The following PLPP3 variants were observed in gnomAD, a reference collection of about 807,000 sequenced individuals.
PLPP3 encodes the protein PAP2 beta.
A neutral mutation model predicts 29.6 loss-of-function variants in PLPP3; 6 were observed. That is an observed-to-expected ratio of 0.20 (90% CI 0.11 to 0.40). The LOEUF is 0.40. Among genes scored for constraint, PLPP3 ranks in the 10% least tolerant of loss-of-function variants. The probability of loss-of-function intolerance (pLI) is 1.00; values close to 1 mark genes in which losing one functional copy is unlikely to be tolerated. For synonymous variants in PLPP3, 152 were observed against 159.7 expected, an observed-to-expected ratio of 0.95 and a Z score of 0.36; for missense variants, 308 against 407.7, an observed-to-expected ratio of 0.76 and a Z score of 2.11.
At chr1:56,523,943 T>C in intron 3 of PLPP3, 63 bp from the exon 4 acceptor site, 1 of 1,554,636 alleles carries the variant, frequency 6.4e-7, no homozygotes, top group East Asian at 2.3e-5. Flanking sequence ...CACTTGTCTG[T>C]CTGTCTTCCC....
chr1:56,562,234 T>C (rs1201152911), intron 1 of PLPP3, among the ~76,000 whole-genome samples: 2 of 151,794 alleles, frequency 1.3e-5, no homozygotes, highest in African/African-American at 4.8e-5. Context: ...TAGGGTTAGA[T>C]TCTGAAGAGT....
At chr1:56,553,201 C>T (rs1646052239) in intron 1 of PLPP3, among the ~76,000 whole-genome samples, 1 of 152,184 alleles carries the variant, frequency 6.6e-6, no homozygotes, top group South Asian at 2.1e-4. Flanking sequence ...GGCTTTCAAA[C>T]AAGACTGATT....
intron 1 of PLPP3, among the ~76,000 whole-genome samples, chr1:56,557,036 G>GAGAGAGAAAGAAAGAAAGAA (rs1646086707): frequency 1.0e-4 from 1 of 9,588 alleles, no homozygotes; most frequent in African/African-American, 1.8e-4. Context: ...AAGAGAGAGA[G>GAGAGAGAAAGAAAGAAAGAA]AGAGAGAGAG....
In PLPP3 at chr1:56,524,721, C is replaced by A. The variant is rs1645842064; in HGVS notation, c.298-167G>T. On this transcript the variant is annotated intron_variant, in intron 2 of 5. Coordinates refer to ENST00000371250, the MANE Select transcript of PLPP3 (RefSeq NM_003713.5). This position sits in a 1 kb window ranked among gnomAD's most constrained non-coding sequence, Gnocchi z 4.3. Reference sequence around the variant, plus strand: ...CACAAATATGCACAGAAGAAAAGATCAAAGCGCTAATATAGTTGGGTGTTT... The same window carrying A: ...CACAAATATGCACAGAAGAAAAGATAAAAGCGCTAATATAGTTGGGTGTTT... 6.6e-6 allele frequency among the ~76,000 whole-genome samples: 1 copy of A among 151,796 alleles called. No homozygotes were observed.
chr1:56,523,995 C>A, intron 3 of PLPP3, 115 bp from the exon 4 acceptor site: 1 of 1,226,816 alleles, frequency 8.2e-7, no homozygotes, highest in South Asian at 1.3e-5. Flanking sequence ...AGGCCCTGTT[C>A]ATTTTTGCAT....
intron 1 of PLPP3, among the ~76,000 whole-genome samples, chr1:56,548,869 T>C (rs1008412702): frequency 3.3e-5 from 5 of 152,050 alleles, no homozygotes; most frequent in South Asian, 4.2e-4. Context: ...TGAATGCCAA[T>C]TGGTATAGCC....
chr1:56,503,042 T>A (rs1057513357), intron 5 of PLPP3, among the ~76,000 whole-genome samples: 1 of 152,154 alleles, frequency 6.6e-6, no homozygotes, highest in African/African-American at 2.4e-5. Flanking sequence ...ATGCCCTAAG[T>A]ACAGTAAGTG....
Position 56,579,089 on chromosome 1 carries a change from G to C in PLPP3, c.-73C>G. ...ACAGCAGCCACACACCCAGGCGCCC[G>C]GGTCGCCTCCTGGCCGAGGCTGCTG... On this transcript the variant is annotated 5_prime_UTR_variant, in exon 1 of 6. Transcript: ENST00000371250. 1 of 1,552,822 alleles carries C rather than the reference G, an allele frequency of 6.4e-7. No homozygotes were observed. The highest frequency in any genetic ancestry group is 8.6e-7 in the Non-Finnish European group (1 of 1,158,416).
intron 5 of PLPP3, among the ~76,000 whole-genome samples, chr1:56,498,683 G>T (rs1194072688): frequency 6.6e-6 from 1 of 151,574 alleles, no homozygotes; most frequent in Non-Finnish European, 1.5e-5. Context: ...ACCCAGGCTG[G>T]AGTGCAGTGG....
At chr1:56,569,730 A>C (rs1455114005) in intron 1 of PLPP3, among the ~76,000 whole-genome samples, 1 of 152,102 alleles carries the variant, frequency 6.6e-6, no homozygotes, top group Non-Finnish European at 1.5e-5. Flanking sequence ...GCTCTAACCT[A>C]TCTCTCCAGC....
chr1:56,515,518 A>G (rs1414029987), intron 4 of PLPP3, among the ~76,000 whole-genome samples: 1 of 152,164 alleles, frequency 6.6e-6, no homozygotes, highest in Non-Finnish European at 1.5e-5. Flanking sequence ...ACACCATAAG[A>G]ATTTGAGAAG....
At chr1:56,523,800 C>A in intron 4 of PLPP3, 23 bp downstream of exon 4, 1 of 1,608,314 alleles carries the variant, frequency 6.2e-7, no homozygotes, top group South Asian at 1.1e-5. Context: ...GAGCACTGCT[C>A]AAATCAAAGG....
At chr1:56,574,692 G>A (rs1425730003) in intron 1 of PLPP3, among the ~76,000 whole-genome samples, 1 of 152,180 alleles carries the variant, frequency 6.6e-6, no homozygotes, top group African/African-American at 2.4e-5. Context: ...GTTTCTCAAC[G>A]TATTGCCTTA....
intron 1 of PLPP3, among the ~76,000 whole-genome samples, chr1:56,556,382 G>C (rs1646076874): frequency 6.6e-6 from 1 of 152,088 alleles, no homozygotes; most frequent in Non-Finnish European, 1.5e-5. Flanking sequence ...ATCAAGTAAT[G>C]ATAAAATAAT....
At chr1:56,542,653 T>C (rs1239258477) in intron 1 of PLPP3, among the ~76,000 whole-genome samples, 4 of 152,096 alleles carry the variant, frequency 2.6e-5, no homozygotes, top group African/African-American at 4.8e-5. Flanking sequence ...TACACATCTA[T>C]CCACAAAATA....
intron 1 of PLPP3, among the ~76,000 whole-genome samples, chr1:56,544,158 G>T (rs952756177): frequency 1.8e-4 from 28 of 152,196 alleles, no homozygotes; most frequent in Non-Finnish European, 5.9e-5. Context: ...AGTGCTTACA[G>T]TGAAAACATT....
At chr1:56,521,699 C>G (rs573073384) in intron 4 of PLPP3, among the ~76,000 whole-genome samples, 82 of 152,238 alleles carry the variant, frequency 5.4e-4, no homozygotes, top group Non-Finnish European at 1.0e-3. Flanking sequence ...ACCATCCAGC[C>G]AAAGGAGGCT....
At chr1:56,534,364 AAC>A (rs1337780028) in intron 2 of PLPP3, among the ~76,000 whole-genome samples, 1 of 152,148 alleles carries the variant, frequency 6.6e-6, no homozygotes, top group African/African-American at 2.4e-5. Context: ...CTTTCTCCAT[AAC>A]GCGTGATGAT....
At chr1:56,552,587 A>C (rs72664362) in intron 1 of PLPP3, among the ~76,000 whole-genome samples, 35,668 of 151,940 alleles carry the variant, frequency 0.23, 4,210 homozygotes, top group South Asian at 0.27. Context: ...CTGCCCTCAG[A>C]GAGCTCCTGG....
Sources: allele counts gnomAD v4.1 joint callset (sites outside exome capture counted in the v4.1 genomes callset), GRCh38; gene constraint gnomAD v4.1.1; non-coding constraint Gnocchi (gnomAD v3.1); transcripts MANE v1.5; gene names NCBI Gene and HGNC (gene_info 2026-07-23, HGNC 2026-07-21).